The following OR5P3 variants were observed in gnomAD, a reference collection of about 807,000 sequenced individuals.
OR5P3 encodes the protein olfactory receptor 5P3.
For missense variants in OR5P3, 415 were observed against 375.6 expected (o/e 1.10, Z -0.87); for synonymous variants, 172 against 141.8 (o/e 1.21, Z -1.51).
At chr11:7,829,593 T>C (rs904334731) in intron 1 of OR5P3, among the ~76,000 whole-genome samples, 6 of 152,174 alleles carry the variant, frequency 3.9e-5, no homozygotes, top group Non-Finnish European at 7.4e-5. Flanking sequence ...AATGATATTC[T>C]AGGATTCAGC....
At chr11:7,828,043 A>G (rs147014077) in intron 1 of OR5P3, among the ~76,000 whole-genome samples, 163 of 152,242 alleles carry the variant, frequency 1.1e-3, no homozygotes, top group African/African-American at 3.7e-3. Context: ...AAACTCAACT[A>G]TGGGTATTTG....
Position 7,825,183 on chromosome 11 carries a change from A to G in OR5P3, c.790T>C (p.Ser264Pro), listed in dbSNP as rs148302710. The change falls in exon 2 of 2, where the codon TCC becomes CCC. Residue 264 changes from serine to proline, a missense_variant. Ser to Pro is a moderately conservative substitution (Grantham distance 74, BLOSUM62 -1). Coordinates refer to ENST00000641167, the MANE Select transcript of OR5P3 (RefSeq NM_153445.2). The part of the protein sequence containing the change: ...TITFIYVMPK[S>P]SYSTDQNKVV... ...TTGTTCTGGTCAGTTGAGTAGCTGG[A>G]CTTGGGCATCACATAAATGAAGGTA... 1 of 1,613,246 alleles carries G rather than the reference A, an allele frequency of 6.2e-7. No homozygotes were observed. The highest frequency in any genetic ancestry group is 2.2e-5 in the East Asian group (1 of 44,876).
Position 7,825,859 on chromosome 11 carries a change from G to T in OR5P3, c.114C>A (p.Thr38=). The change falls in exon 2 of 2, where the codon ACC becomes ACA. Residue 38 remains threonine, a synonymous_variant. Coordinates refer to ENST00000641167, the MANE Select transcript of OR5P3 (RefSeq NM_153445.2). ...CAATTATGCTGATATTACCCATTAA[G>T]GTGACAACATAAATTCCTAGAAACA... ...FLVFLGIYVV[T]LMGNISIIVL... 1 of 1,611,134 alleles carries T rather than the reference G, an allele frequency of 6.2e-7. No individual in the cohort carries two copies. The highest frequency in any genetic ancestry group is 1.1e-5 in the South Asian group (1 of 91,040).
At chr11:7,829,688 C>A (rs1225433961) in intron 1 of OR5P3, among the ~76,000 whole-genome samples, 2 of 152,190 alleles carry the variant, frequency 1.3e-5, no homozygotes, top group African/African-American at 4.8e-5. Flanking sequence ...TGCTTTCACT[C>A]TGGAGTCTGC....
intron 1 of OR5P3, among the ~76,000 whole-genome samples, chr11:7,827,339 GGCT>G (rs762700673): frequency 6.6e-6 from 1 of 152,118 alleles, no homozygotes; most frequent in East Asian, 1.9e-4. Context: ...ATAAAGATGC[GGCT>G]GAGAGATAAC....
In OR5P3 at chr11:7,825,517, T is replaced by G. The variant is rs774822100; in HGVS notation, c.456A>C (p.Gly152=). The G allele has an allele frequency of 5.0e-6, 8 of 1,613,030 alleles. No individual in the cohort carries two copies. Among genetic ancestry groups the G allele is most frequent in the Non-Finnish European group, 6.8e-6 (8 of 1,180,034 alleles). ...CAATGAATGTCCAAGCATTCACACA[T>G]CCACCCAGGTAGGACATGCCCACTA... is the stretch of plus-strand genomic sequence containing the variant. The part of the protein sequence containing the change: ...IILVGMSYLG[G]CVNAWTFIGC... Residue 152 remains glycine (G), a synonymous_variant, in exon 2 of 2, where the codon GGA becomes GGC. Coordinates refer to ENST00000641167, the MANE Select transcript of OR5P3 (RefSeq NM_153445.2).
intron 1 of OR5P3, among the ~76,000 whole-genome samples, chr11:7,827,728 C>T (rs755910877): frequency 3.9e-5 from 6 of 152,142 alleles, no homozygotes; most frequent in African/African-American, 1.4e-4. Context: ...AATGAGATTA[C>T]GGAAAAGCTA....
rs747686804 is a variant in OR5P3 at position 7,825,693 on chromosome 11, C to A, written c.280G>T (p.Val94Phe). The change falls in exon 2 of 2, where the codon GTT (valine) becomes TTT (phenylalanine). Residue 94 changes from valine to phenylalanine, a missense_variant. Coordinates refer to ENST00000641167, the MANE Select transcript of OR5P3 (RefSeq NM_153445.2). ...CAGAGCTGGGCCACACAACCAGCAA[C>A]AGGGAGAGAGGTTTCTTTCCTTAGG... ...SFLRKETSLP[V>F]AGCVAQLCSV... is the part of the protein sequence containing the mutation. 3.4e-5 allele frequency: 55 copies of A among 1,613,080 alleles called. No individual in the cohort carries two copies. In the Middle Eastern group the frequency reaches 8.2e-4, roughly 24 times the overall value.
intron 1 of OR5P3, among the ~76,000 whole-genome samples, chr11:7,827,316 T>C (rs1857755316): frequency 6.6e-6 from 1 of 152,184 alleles, no homozygotes. Context: ...AATTTTGCAG[T>C]GCAGTAATTC....
rs200372662 is a variant in OR5P3 at position 7,825,115 on chromosome 11, G to T, written c.858C>A (p.Asn286Lys). ...TGTTCCTGAGGCTGTAGATCAGGGG[G>T]TTCAACATGGGAATCACCACGGTGT... ...VFYTVVIPML[N>K]PLIYSLRNKE... Residue 286 changes from asparagine to lysine, a missense_variant, in exon 2 of 2, where the codon AAC becomes AAA. Asn to Lys is a moderately conservative substitution (Grantham distance 94). Coordinates refer to ENST00000641167, the MANE Select transcript of OR5P3 (RefSeq NM_153445.2). The T allele has an allele frequency of 6.2e-7, 1 of 1,613,476 alleles. No homozygotes were observed. Among genetic ancestry groups the T allele is most frequent in the Admixed American group, 1.7e-5 (1 of 59,986 alleles).
At chr11:7,826,131 A>G (rs1374918546) in intron 1 of OR5P3, 138 bp from the exon 2 acceptor site, 2 of 572,928 alleles carry the variant, frequency 3.5e-6, no homozygotes, top group Non-Finnish European at 6.1e-6. Context: ...TTTCACACAC[A>G]GTATCTTATG....
At chr11:7,827,864 A>G (rs1857762696) in intron 1 of OR5P3, among the ~76,000 whole-genome samples, 1 of 152,192 alleles carries the variant, frequency 6.6e-6, no homozygotes, top group South Asian at 2.1e-4. Flanking sequence ...AGCAACCTCT[A>G]TGTGGAGGTA....
intron 1 of OR5P3, among the ~76,000 whole-genome samples, chr11:7,830,546 G>A (rs552244229): frequency 6.6e-6 from 1 of 152,156 alleles, no homozygotes; most frequent in Admixed American, 6.5e-5. Flanking sequence ...GGAGACATAC[G>A]GCCCTGGGAT....
intron 1 of OR5P3, among the ~76,000 whole-genome samples, 188 bp downstream of exon 1, chr11:7,830,632 ATTTG>A (rs1457504914): frequency 6.6e-6 from 1 of 152,166 alleles, no homozygotes; most frequent in Non-Finnish European, 1.5e-5. Context: ...TCATTACGTT[ATTTG>A]TTTAAAAAAA....
chr11:7,826,429 T>C (rs1468216629), intron 1 of OR5P3, among the ~76,000 whole-genome samples: 4 of 152,312 alleles, frequency 2.6e-5, no homozygotes, highest in African/African-American at 7.2e-5. Flanking sequence ...GTATCAAAGA[T>C]GTGTAGTCAT....
Position 7,825,734 on chromosome 11 carries a change from A to G in OR5P3, c.239T>C (p.Val80Ala). 2 of 1,613,278 alleles carry G rather than the reference A, an allele frequency of 1.2e-6. No homozygotes were observed. Among genetic ancestry groups the G allele is most frequent in the South Asian group, 2.2e-5 (2 of 91,078 alleles). Reference protein sequence around the residue: ...DIGYSSSVTPVMLMSFLRKET... With the variant: ...DIGYSSSVTPAMLMSFLRKET... Reference sequence around the variant, plus strand: ...TTTCCTTAGGAAGCTCATGAGCATGACAGGTGTGACTGATGAGGAGTACCC... The same window carrying G: ...TTTCCTTAGGAAGCTCATGAGCATGGCAGGTGTGACTGATGAGGAGTACCC... The change falls in exon 2 of 2, where the codon GTC (valine) becomes GCC (alanine). Residue 80 changes from valine (V) to alanine (A), a missense_variant. Coordinates refer to ENST00000641167, the MANE Select transcript of OR5P3 (RefSeq NM_153445.2).
chr11:7,829,505 C>A (rs1200249627), intron 1 of OR5P3, among the ~76,000 whole-genome samples: 1 of 152,034 alleles, frequency 6.6e-6, no homozygotes, highest in Non-Finnish European at 1.5e-5. Context: ...GAATGGGCTG[C>A]AAATTGGTGA....
In OR5P3 at chr11:7,827,748, G is replaced by C. The variant is rs898174473; in HGVS notation, c.-21-1755C>G. On this transcript the variant is annotated intron_variant, in intron 1 of 1. Transcript: ENST00000641167. ...GATTACGGAAAAGCTACAGTTATTG[G>C]CAAATGCTAATGTCTAAACTCTAAC... 2.0e-5 allele frequency among the ~76,000 whole-genome samples: 3 copies of C among 152,162 alleles called. No individual in the cohort carries two copies. The East Asian group carries it at 5.8e-4, about 29-fold the overall frequency.
chr11:7,826,827 C>A (rs1285166824), intron 1 of OR5P3, among the ~76,000 whole-genome samples: 1 of 152,166 alleles, frequency 6.6e-6, no homozygotes, highest in African/African-American at 2.4e-5. Flanking sequence ...ACAGAAGATT[C>A]CAGCCTTCTA....
Sources: allele counts gnomAD v4.1 joint callset (sites outside exome capture counted in the v4.1 genomes callset), GRCh38; gene constraint gnomAD v4.1.1; transcripts MANE v1.5; gene names NCBI Gene and HGNC (gene_info 2026-07-23, HGNC 2026-07-21).